Variants in IKZF2 observed in about 807,000 individuals in gnomAD.
The protein encoded by IKZF2 is IKAROS family zinc finger 2, also known as zinc finger protein Helios.
In IKZF2, 15 loss-of-function variants were observed where a neutral mutation model predicts 49.2. The observed-to-expected ratio is 0.30, with a 90% CI of 0.20 to 0.47. IKZF2 has a LOEUF of 0.47. Ranked by LOEUF, IKZF2 falls within the 20% of genes least tolerant of loss-of-function variation. IKZF2 has a pLI of 1.00. For missense variants in IKZF2, 567 were observed against 664.6 expected, an observed-to-expected ratio of 0.85 and a Z score of 1.61; for synonymous variants, 227 against 221.4, an observed-to-expected ratio of 1.03 and a Z score of -0.23.
Position 213,007,561 on chromosome 2 carries a change from G to A in IKZF2, c.1380C>T (p.Val460=), listed in dbSNP as rs1002408942. The A allele has an allele frequency of 6.8e-6, 11 of 1,613,576 alleles. No homozygotes were observed. The African/African-American group carries it at 1.2e-4, about 18-fold the overall frequency. ...PKGSLKDIYK[V]FNGEGEQIRA... is the part of the protein sequence containing the mutation. ...TAATCTGTTCTCCTTCTCCATTGAAGACCTTGTAGATGTCCTTCAGAGAGC... is the reference window on the plus strand; with the variant it reads ...TAATCTGTTCTCCTTCTCCATTGAAAACCTTGTAGATGTCCTTCAGAGAGC... Residue 460 remains valine (V), a synonymous_variant, in exon 9 of 9, where the codon GTC becomes GTT. Coordinates refer to ENST00000434687, the MANE Select transcript of IKZF2 (RefSeq NM_001387220.1).
At chr2:213,111,413 GTTAAT>G (rs2059698695) in intron 4 of IKZF2, among the ~76,000 whole-genome samples, 1 of 151,962 alleles carries the variant, frequency 6.6e-6, no homozygotes. Flanking sequence ...ATATTGGCAT[GTTAAT>G]TTAAACTGCC....
Position 213,007,206 on chromosome 2 carries a change from G to A in IKZF2, c.*154C>T, listed in dbSNP as rs1175790844. 10 of 781,564 alleles carry A rather than the reference G, an allele frequency of 1.3e-5. No homozygotes were observed. The highest frequency in any genetic ancestry group is 1.8e-5 in the Non-Finnish European group (9 of 509,346). The allele number at this position is 781,564 out of a possible 1,614,324, so 48.4% of individuals were successfully genotyped here. On this transcript the variant is annotated 3_prime_UTR_variant, in exon 9 of 9. Coordinates refer to ENST00000434687, the MANE Select transcript of IKZF2 (RefSeq NM_001387220.1). ...CTTATCGTAATTAGGCAGAGCAAAT[G>A]ACACTGCCTCCACAAAATAAGAATT...
chr2:213,013,230 A>AC (rs1696173724), intron 8 of IKZF2, among the ~76,000 whole-genome samples: 1 of 152,018 alleles, frequency 6.6e-6, no homozygotes, highest in African/African-American at 2.4e-5. Context: ...AAAAAGAAAA[A>AC]TTATCTTCAT....
intron 4 of IKZF2, among the ~76,000 whole-genome samples, chr2:213,107,467 A>C (rs1020147650): frequency 5.3e-5 from 8 of 152,186 alleles, no homozygotes; most frequent in African/African-American, 1.9e-4. Context: ...CAAAATTCTA[A>C]TTGTAGAATT....
rs925751829 is a variant in IKZF2, at chr2:213,101,358, T to C, written c.140-44259A>G. On this transcript the variant is annotated intron_variant, in intron 4 of 8. Coordinates refer to ENST00000434687, the MANE Select transcript of IKZF2 (RefSeq NM_001387220.1). The stretch of plus-strand genomic sequence containing the variant: ...ATTTCTCCAACCTGGAAAAACTTTT[T>C]CTTCTTTCAGAGGTCAAATTAAAAG... 2.0e-5 allele frequency among the ~76,000 whole-genome samples: 3 copies of C among 152,118 alleles called. No individual in the cohort carries two copies. In the East Asian group the frequency reaches 5.8e-4, roughly 29 times the overall value.
Position 213,007,220 on chromosome 2 carries a change from A to G in IKZF2, c.*140T>C. 1 of 941,690 alleles carries G rather than the reference A, an allele frequency of 1.1e-6. No individual in the cohort carries two copies. The highest frequency in any genetic ancestry group is 1.5e-6 in the Non-Finnish European group (1 of 649,376). 58.3% of individuals were successfully genotyped at this position (941,690 alleles called of 1,614,324 possible). A position where few individuals can be genotyped will look rare whatever the true frequency, so the allele number is the denominator to read the frequency against. On this transcript the variant is annotated 3_prime_UTR_variant, in exon 9 of 9. Transcript: ENST00000434687. Reference sequence around the variant, plus strand: ...GCAGAGCAAATGACACTGCCTCCACAAAATAAGAATTATCAACAGTAATAA... The same window carrying G: ...GCAGAGCAAATGACACTGCCTCCACGAAATAAGAATTATCAACAGTAATAA...
intron 4 of IKZF2, among the ~76,000 whole-genome samples, chr2:213,081,630 C>T (rs1703963921): frequency 1.3e-5 from 2 of 152,140 alleles, no homozygotes; most frequent in Non-Finnish European, 1.5e-5. Flanking sequence ...ACCAGTCACA[C>T]TTGGTGGGAA....
intron 4 of IKZF2, among the ~76,000 whole-genome samples, chr2:213,128,809 T>C (rs1023285701): frequency 4.8e-5 from 7 of 146,234 alleles, no homozygotes; most frequent in African/African-American, 1.3e-4. Flanking sequence ...TTTTTCTTTT[T>C]TTTTTTTTTT....
chr2:213,013,406 T>TAA (rs5838363), intron 8 of IKZF2, among the ~76,000 whole-genome samples: 52 of 149,098 alleles, frequency 3.5e-4, no homozygotes, highest in Non-Finnish European at 4.3e-4. Context: ...GTTAATAGGT[T>TAA]AAAAAAAAAA....
At chr2:213,013,679 G>A (rs1696234480) in intron 8 of IKZF2, 112 bp downstream of exon 8, 1 of 916,762 alleles carries the variant, frequency 1.1e-6, no homozygotes, top group South Asian at 1.8e-5. Flanking sequence ...GAAAAGAGAT[G>A]GGTATTTATT....
At chr2:213,034,973 T>G (rs938514264) in intron 6 of IKZF2, among the ~76,000 whole-genome samples, 3 of 152,200 alleles carry the variant, frequency 2.0e-5, no homozygotes, top group Non-Finnish European at 2.9e-5. Context: ...ATAATTTGGA[T>G]AGCAAACAGC....
Position 213,004,650 on chromosome 2 carries a change from T to A in IKZF2, c.*2710A>T, listed in dbSNP as rs1177164518. On this transcript the variant is annotated 3_prime_UTR_variant, in exon 9 of 9. Coordinates refer to ENST00000434687, the MANE Select transcript of IKZF2 (RefSeq NM_001387220.1). ...TGCTACAACCTTGCGTATTTCCTTTTGAAGAAAAGGCATGCACATATAACC... is the reference window on the plus strand; with the variant it reads ...TGCTACAACCTTGCGTATTTCCTTTAGAAGAAAAGGCATGCACATATAACC... 1.3e-5 allele frequency: 2 copies of A among 151,980 alleles called. No individual in the cohort carries two copies. Among genetic ancestry groups the A allele is most frequent in the Non-Finnish European group, 2.9e-5 (2 of 67,928 alleles). 9.4% of individuals were successfully genotyped at this position (151,980 alleles called of 1,614,324 possible).
intron 6 of IKZF2, among the ~76,000 whole-genome samples, chr2:213,032,265 T>G (rs966978455): frequency 2.6e-5 from 4 of 152,148 alleles, no homozygotes; most frequent in African/African-American, 9.7e-5. Flanking sequence ...CTGGCATATC[T>G]TGGAGATATT....
At chr2:213,045,729 C>T (rs998865798) in intron 6 of IKZF2, among the ~76,000 whole-genome samples, 3 of 152,166 alleles carry the variant, frequency 2.0e-5, no homozygotes, top group African/African-American at 7.2e-5. Flanking sequence ...ATAGATCCTC[C>T]ATTGTAAGTG....
chr2:213,058,480 T>C (rs572652189), intron 4 of IKZF2, among the ~76,000 whole-genome samples: 1 of 152,066 alleles, frequency 6.6e-6, no homozygotes, highest in Admixed American at 6.6e-5. Context: ...TTCCTGGATA[T>C]ATAGTGCTCT....
At chr2:213,124,363 A>G (rs2060185589) in intron 4 of IKZF2, among the ~76,000 whole-genome samples, 1 of 152,028 alleles carries the variant, frequency 6.6e-6, no homozygotes, top group Non-Finnish European at 1.5e-5. Context: ...AAAGCAAAGA[A>G]GATCAATCAG....
At chr2:213,102,016 C>A (rs573328707) in intron 4 of IKZF2, among the ~76,000 whole-genome samples, 3 of 152,238 alleles carry the variant, frequency 2.0e-5, no homozygotes, top group African/African-American at 7.2e-5. Context: ...TGTCACCATG[C>A]AAGCAAACAG....
At chr2:213,103,247 T>A (rs2059410763) in intron 4 of IKZF2, among the ~76,000 whole-genome samples, 2 of 152,180 alleles carry the variant, frequency 1.3e-5, no homozygotes, top group African/African-American at 2.4e-5. Context: ...TGATAAATGA[T>A]GATAGAGAGA....
At chr2:213,015,893 G>A (rs538996736) in intron 7 of IKZF2, among the ~76,000 whole-genome samples, 38 of 152,032 alleles carry the variant, frequency 2.5e-4, no homozygotes, top group Non-Finnish European at 4.6e-4. Context: ...AAACCTGGCA[G>A]TTTTGCTCTA....
Sources: allele counts gnomAD v4.1 joint callset (sites outside exome capture counted in the v4.1 genomes callset), GRCh38; gene constraint gnomAD v4.1.1; transcripts MANE v1.5; gene names NCBI Gene and HGNC (gene_info 2026-07-23, HGNC 2026-07-21).